Variants in SUGCT observed in about 807,000 individuals in gnomAD.
SUGCT encodes the protein succinyl-CoA:glutarate-CoA transferase.
SUGCT carries 41 observed loss-of-function variants against 55.0 expected under a neutral mutation model. That is an observed-to-expected ratio of 0.74 (90% CI 0.58 to 0.97). The LOEUF (loss-of-function observed/expected upper bound fraction) is 0.97, where lower values mean the gene tolerates loss of function less well. SUGCT is among the 50% of genes least tolerant of loss of function. The pLI, the probability that SUGCT is intolerant of heterozygous loss-of-function variation, is 0.00. For synonymous variants in SUGCT, 187 were observed against 200.4 expected, an observed-to-expected ratio of 0.93 and a Z score of 0.56; for missense variants, 568 against 547.8, an observed-to-expected ratio of 1.04 and a Z score of -0.37.
chr7:40,872,815 G>C, the SUGCT span, among the ~76,000 whole-genome samples: 5 of 152,324 alleles, frequency 3.3e-5, no homozygotes, highest in East Asian at 5.8e-4. Context: ...TGTTTACAAA[G>C]TTAAGAAATA....
At chr7:40,903,101 G>A in the SUGCT span, among the ~76,000 whole-genome samples, 228 of 150,572 alleles carry the variant, frequency 1.5e-3, no homozygotes, top group Non-Finnish European at 2.1e-3. Flanking sequence ...GTGCGATCTC[G>A]GCTCACTGCA....
chr7:40,961,135 T>G, the SUGCT span, among the ~76,000 whole-genome samples: 5 of 152,212 alleles, frequency 3.3e-5, no homozygotes, highest in African/African-American at 1.2e-4. Flanking sequence ...CCCACACTCC[T>G]GATAAAAGTT....
chr7:40,397,026 G>T (rs1028115496), intron 9 of SUGCT, among the ~76,000 whole-genome samples: 2 of 152,140 alleles, frequency 1.3e-5, no homozygotes, highest in South Asian at 4.1e-4. Context: ...ATATATATCA[G>T]ATAGACCTTA....
At chr7:40,537,119 T>C (rs923232552) in intron 12 of SUGCT, among the ~76,000 whole-genome samples, 1 of 152,160 alleles carries the variant, frequency 6.6e-6, no homozygotes, top group Non-Finnish European at 1.5e-5. Context: ...TTAAATAATA[T>C]CAACATGTCT....
chr7:40,988,386 C>G, the SUGCT span, among the ~76,000 whole-genome samples: 1 of 151,346 alleles, frequency 6.6e-6, no homozygotes. Flanking sequence ...TCTCCAGGAG[C>G]AGATTCTCCT....
intron 6 of SUGCT, among the ~76,000 whole-genome samples, chr7:40,215,024 A>G (rs1050784287): frequency 3.3e-5 from 5 of 152,208 alleles, no homozygotes; most frequent in Non-Finnish European, 7.3e-5. Context: ...CATTCCCTCT[A>G]TGGAGAATGA....
At chr7:40,567,529 G>A (rs374871040) in intron 12 of SUGCT, among the ~76,000 whole-genome samples, 6 of 152,214 alleles carry the variant, frequency 3.9e-5, no homozygotes, top group Admixed American at 2.0e-4. Context: ...CTGAATAGGG[G>A]ATTTCTTCTA....
chr7:40,959,676 GCT>G, the SUGCT span, among the ~76,000 whole-genome samples: 1 of 151,142 alleles, frequency 6.6e-6, no homozygotes, highest in African/African-American at 2.4e-5. Context: ...GCAGTGAGCA[GCT>G]CTGTCTTGCT....
At chr7:40,636,020 C>T (rs1584178676) in intron 12 of SUGCT, among the ~76,000 whole-genome samples, 1 of 152,270 alleles carries the variant, frequency 6.6e-6, no homozygotes, top group East Asian at 1.9e-4. Flanking sequence ...TGATATATAC[C>T]TATGTGATGT....
At chr7:40,185,672 G>A (rs1785462556) in intron 3 of SUGCT, among the ~76,000 whole-genome samples, 1 of 152,140 alleles carries the variant, frequency 6.6e-6, no homozygotes. Context: ...ACAGGCATAT[G>A]CCATCACCCC....
At chr7:40,666,355 A>AAAGG (rs775565696) in intron 12 of SUGCT, among the ~76,000 whole-genome samples, 7,887 of 121,758 alleles carry the variant, frequency 0.065, 354 homozygotes, top group African/African-American at 0.11. Flanking sequence ...CTCAAGAAAG[A>AAAGG]AAGGAAGGAA....
At chr7:40,631,251 C>T (rs1799775577) in intron 12 of SUGCT, among the ~76,000 whole-genome samples, 1 of 151,896 alleles carries the variant, frequency 6.6e-6, no homozygotes, top group African/African-American at 2.4e-5. Flanking sequence ...TTACGTGTAA[C>T]AAGAAACCAT....
intron 12 of SUGCT, among the ~76,000 whole-genome samples, chr7:40,599,432 T>C (rs559254521): frequency 3.9e-5 from 6 of 152,308 alleles, no homozygotes; most frequent in African/African-American, 1.4e-4. Flanking sequence ...GAGGGTCATA[T>C]TAACTTCAGC....
chr7:40,486,948 C>T (rs1290248191), intron 11 of SUGCT, among the ~76,000 whole-genome samples: 7 of 151,834 alleles, frequency 4.6e-5, no homozygotes, highest in Non-Finnish European at 1.0e-4. Flanking sequence ...CTGCTCTTAA[C>T]TCTTGTTAAG....
chr7:40,803,613 AAAT>A (rs1320864852), intron 13 of SUGCT, among the ~76,000 whole-genome samples: 4 of 152,168 alleles, frequency 2.6e-5, no homozygotes, highest in Admixed American at 1.3e-4. Flanking sequence ...TCACCACCCA[AAAT>A]AATATTTTTG....
At chr7:40,957,643 A>G in the SUGCT span, among the ~76,000 whole-genome samples, 1 of 151,938 alleles carries the variant, frequency 6.6e-6, no homozygotes, top group African/African-American at 2.4e-5. Flanking sequence ...GCTGATTTAC[A>G]TTTAAGGTTA....
intron 12 of SUGCT, among the ~76,000 whole-genome samples, chr7:40,634,287 C>T (rs769502278): frequency 3.3e-4 from 50 of 152,202 alleles, no homozygotes; most frequent in Non-Finnish European, 5.6e-4. Context: ...GCTAATCTAA[C>T]CCTTATCGTC....
At chr7:40,624,984 T>C (rs1481902188) in intron 12 of SUGCT, among the ~76,000 whole-genome samples, 2 of 152,172 alleles carry the variant, frequency 1.3e-5, no homozygotes, top group Admixed American at 6.5e-5. Context: ...TCCCCCCCAG[T>C]TGAAAATGCT....
At position 40,718,037 on chromosome 7, in the gene SUGCT, T is replaced by C. The variant is rs899575903; in HGVS notation, c.1090-31397T>C. The stretch of plus-strand genomic sequence containing the variant: ...ATATGTCTTTAATAAACTGATAAGA[T>C]TGACACAGTAAAGGGAGAATACAAA... On this transcript the variant is annotated intron_variant, in intron 12 of 13. Transcript: ENST00000335693. Among the ~76,000 whole-genome samples, 3 of 152,282 alleles carry C rather than the reference T, an allele frequency of 2.0e-5. No homozygotes were observed. The South Asian group carries it at 6.2e-4, about 32-fold the overall frequency.
Sources: gnomAD v4.1 joint callset for allele counts (sites outside exome capture counted in the v4.1 genomes callset) on GRCh38, gnomAD v4.1.1 for gene constraint, MANE v1.5 for transcripts, NCBI Gene and HGNC (gene_info 2026-07-23, HGNC 2026-07-21) for gene names.